The following METTL15 variants were observed in gnomAD, a reference collection of about 807,000 sequenced individuals.
The protein encoded by METTL15 is methyltransferase 15, mitochondrial 12S rRNA N4-cytidine, also known as 12S rRNA N(4)-cytidine methyltransferase METTL15.
In METTL15, 34 loss-of-function variants were observed where a neutral mutation model predicts 38.3. The ratio of observed to expected loss-of-function variants is 0.89; its 90% CI spans 0.68 to 1.18. The LOEUF is 1.18. Among genes scored for constraint, METTL15 ranks in the 50% most tolerant of loss-of-function variants. METTL15 has a pLI of 0.00. For synonymous variants in METTL15, 162 were observed against 170.9 expected (o/e 0.95, Z 0.41); for missense variants, 438 against 498.4 (o/e 0.88, Z 1.15).
chr11:28,131,501 ATTTTTTT>A (rs370387962), intron 3 of METTL15, among the ~76,000 whole-genome samples: 1 of 117,558 alleles, frequency 8.5e-6, no homozygotes, highest in South Asian at 2.8e-4. Flanking sequence ...ACTTCCAAGC[ATTTTTTT>A]TTTTTTTTTT....
intron 4 of METTL15, among the ~76,000 whole-genome samples, chr11:28,264,741 T>G (rs1448797556): frequency 1.3e-5 from 2 of 152,164 alleles, no homozygotes; most frequent in African/African-American, 4.8e-5. Flanking sequence ...CATTTCTGAA[T>G]AGAGTTGGTT....
chr11:28,119,662 AT>A (rs1852126972), intron 3 of METTL15, among the ~76,000 whole-genome samples: 3 of 151,970 alleles, frequency 2.0e-5, no homozygotes, highest in Admixed American at 2.0e-4. Flanking sequence ...TAATTATTAG[AT>A]TTTCTATAGT....
At chr11:28,133,029 A>C (rs1454925025) in intron 3 of METTL15, among the ~76,000 whole-genome samples, 1 of 152,174 alleles carries the variant, frequency 6.6e-6, no homozygotes, top group African/African-American at 2.4e-5. Context: ...TACAAAGTAA[A>C]AAGTATTAAT....
intron 3 of METTL15, among the ~76,000 whole-genome samples, chr11:28,136,384 A>C (rs1486006637): frequency 6.6e-6 from 1 of 152,082 alleles, no homozygotes; most frequent in Non-Finnish European, 1.5e-5. Flanking sequence ...CTGCCATGTA[A>C]GATGTGCCTT....
At chr11:28,264,548 G>A (rs920244618) in intron 4 of METTL15, among the ~76,000 whole-genome samples, 2 of 152,000 alleles carry the variant, frequency 1.3e-5, no homozygotes, top group African/African-American at 2.4e-5. Context: ...ATCAATTTAA[G>A]GATCAGTTGT....
At chr11:28,231,744 C>G (rs1853693413) in intron 4 of METTL15, among the ~76,000 whole-genome samples, 1 of 151,864 alleles carries the variant, frequency 6.6e-6, no homozygotes, top group Non-Finnish European at 1.5e-5. Flanking sequence ...AGACTTAGCA[C>G]TATTTTCTCT....
chr11:28,518,077 G>A (rs1381338029), intron 6 of METTL15, among the ~76,000 whole-genome samples: 4 of 152,164 alleles, frequency 2.6e-5, no homozygotes, highest in Non-Finnish European at 5.9e-5. Flanking sequence ...CTGGGAAGAA[G>A]TAGGTGGGGA....
chr11:28,292,616 T>A (rs534104287), intron 5 of METTL15, among the ~76,000 whole-genome samples: 1 of 152,300 alleles, frequency 6.6e-6, no homozygotes, highest in Non-Finnish European at 1.5e-5. Flanking sequence ...TAGTTCTAGA[T>A]GCCTGAGGAA....
rs1850671715 is a variant in METTL15, at chr11:28,166,740, A to T, written c.271-44322A>T. ...CAAGGTGGGCAGATCACCTGAGGTC[A>T]GGAGTTCAAGACCAGCCCGGCCAAC... On this transcript the variant is annotated intron_variant, in intron 3 of 6. Coordinates refer to ENST00000407364, the MANE Select transcript of METTL15 (RefSeq NM_001113528.2). 2.0e-5 allele frequency among the ~76,000 whole-genome samples: 3 copies of T among 152,282 alleles called. No individual in the cohort carries two copies. The South Asian group carries it at 6.2e-4, about 32-fold the overall frequency.
chr11:28,184,049 G>A (rs1008498326), intron 3 of METTL15, among the ~76,000 whole-genome samples: 2 of 151,986 alleles, frequency 1.3e-5, no homozygotes. Flanking sequence ...TTGTGTAGGG[G>A]TATTTATGGT....
chr11:28,426,584 GTT>G (rs66959082), intron 6 of METTL15, among the ~76,000 whole-genome samples: 25 of 82,338 alleles, frequency 3.0e-4, no homozygotes, highest in African/African-American at 9.0e-4. Context: ...GCCAGCATCT[GTT>G]TTTTTTTTTT....
chr11:28,204,886 T>G lies in METTL15; in HGVS notation c.271-6176T>G, dbSNP rs553686494. The stretch of plus-strand genomic sequence containing the variant: ...TGTCAGTGAAATAACCAGAATAAAC[T>G]TAGTATTAAAATGTGAGTTTTGTTT... On this transcript the variant is annotated intron_variant, in intron 3 of 6. Coordinates refer to ENST00000407364, the MANE Select transcript of METTL15 (RefSeq NM_001113528.2). Among the ~76,000 whole-genome samples the G allele has an allele frequency of 2.0e-3, 301 of 152,108 alleles. 1 individual carries two copies. The highest frequency in any genetic ancestry group is 6.0e-3 in the African/African-American group (248 of 41,514).
At chr11:28,498,559 A>G (rs1355118490) in intron 6 of METTL15, among the ~76,000 whole-genome samples, 1 of 152,106 alleles carries the variant, frequency 6.6e-6, no homozygotes, top group East Asian at 1.9e-4. Flanking sequence ...GCAATTGTAA[A>G]AGTAACAATT....
intron 6 of METTL15, among the ~76,000 whole-genome samples, chr11:28,508,377 G>GT (rs1851647113): frequency 6.6e-6 from 1 of 152,088 alleles, no homozygotes; most frequent in Admixed American, 6.5e-5. Context: ...TTTTCAGTAG[G>GT]TTAATGAATG....
chr11:28,311,462 T>C (rs916633124), intron 6 of METTL15, among the ~76,000 whole-genome samples: 7 of 152,234 alleles, frequency 4.6e-5, no homozygotes, highest in African/African-American at 1.4e-4. Context: ...AACTAGCATT[T>C]GCTTCATTAT....
downstream of METTL15, among the ~76,000 whole-genome samples, chr11:28,527,836 T>C (rs1851822501): frequency 1.3e-5 from 2 of 152,236 alleles, no homozygotes; most frequent in Non-Finnish European, 2.9e-5. Context: ...AATAGAGACC[T>C]TCTTAGCGTT....
At chr11:28,404,701 T>G (rs906651806) in intron 5 of METTL15, among the ~76,000 whole-genome samples, 2 of 152,042 alleles carry the variant, frequency 1.3e-5, no homozygotes, top group African/African-American at 4.8e-5. Flanking sequence ...ACATCTATAT[T>G]GTGGAAGACA....
At chr11:28,514,027 C>A (rs1006938404) in intron 6 of METTL15, among the ~76,000 whole-genome samples, 1 of 152,142 alleles carries the variant, frequency 6.6e-6, no homozygotes, top group African/African-American at 2.4e-5. Context: ...TGGAGAAACT[C>A]GAGGGAAGGT....
At position 28,164,180 on chromosome 11, in the gene METTL15, C is replaced by G. The variant is rs1226192873; in HGVS notation, c.271-46882C>G. 5 of 151,946 alleles carry G rather than the reference C, an allele frequency of 3.3e-5. No homozygotes were observed. The East Asian group carries it at 9.6e-4, about 29-fold the overall frequency. 9.4% of individuals were successfully genotyped at this position (151,946 alleles called of 1,614,324 possible). On this transcript the variant is annotated intron_variant, in intron 3 of 6. Coordinates refer to ENST00000407364, the MANE Select transcript of METTL15 (RefSeq NM_001113528.2). ...ATTTCACTTATTACATACACAAACA[C>G]AACATATGCAGAAGCTCACACACGT...
Sources: allele counts gnomAD v4.1 joint callset (sites outside exome capture counted in the v4.1 genomes callset), GRCh38; gene constraint gnomAD v4.1.1; transcripts MANE v1.5; gene names NCBI Gene and HGNC (gene_info 2026-07-23, HGNC 2026-07-21).